The following CASZ1 variants were observed in gnomAD, a reference collection of about 807,000 sequenced individuals.
CASZ1 encodes the protein castor zinc finger 1.
A neutral mutation model predicts 135.2 loss-of-function variants in CASZ1; 28 were observed. The observed-to-expected ratio is 0.21, with a 90% CI of 0.15 to 0.28. The LOEUF (loss-of-function observed/expected upper bound fraction) is 0.28, where lower values mean the gene tolerates loss of function less well. CASZ1 is among the 10% of genes least tolerant of loss of function. CASZ1 has a pLI of 1.00. For missense variants in CASZ1, 2,161 were observed against 2,453.3 expected (o/e 0.88, Z 2.52); for synonymous variants, 1,068 against 1,073.4 (o/e 0.99, Z 0.10).
In CASZ1 at chr1:10,720,961, C is replaced by G. The variant is rs1639486392; in HGVS notation, c.-76-15417G>C. On this transcript the variant is annotated intron_variant, in intron 2 of 20. Coordinates refer to ENST00000377022, the MANE Select transcript of CASZ1 (RefSeq NM_001079843.3). The surrounding 1 kb of genome is among the most constrained non-coding windows in gnomAD (Gnocchi z 5.7). ...ACCCACCGTCCCAGGGAAGTTCACCCTGCTCAGGGCCACAACCGGCTCTGG... is the reference window on the plus strand; with the variant it reads ...ACCCACCGTCCCAGGGAAGTTCACCGTGCTCAGGGCCACAACCGGCTCTGG... Among the ~76,000 whole-genome samples the G allele has an allele frequency of 1.3e-5, 2 of 152,222 alleles. No individual in the cohort carries two copies. The highest frequency in any genetic ancestry group is 2.9e-5 in the Non-Finnish European group (2 of 68,032).
rs1325856526 is a variant in CASZ1, at chr1:10,650,969, T to C, written c.2788A>G (p.Ser930Gly). ...PGPHEASQDR[S>G]LDLTVKEPSN... ...GGCTCCTTCACAGTCAGGTCTAGAC[T>C]GCGGTCCTGGGAGGCTTCGTGGGGG... The change falls in exon 12 of 21, where the codon AGT becomes GGT. Residue 930 changes from serine (S) to glycine (G), a missense_variant. By Grantham distance (56) the Ser-to-Gly change is moderately conservative (BLOSUM62 0). Transcript: ENST00000377022. The C allele has an allele frequency of 6.3e-7, 1 of 1,590,778 alleles. No homozygotes were observed. Among genetic ancestry groups the C allele is most frequent in the Non-Finnish European group, 8.5e-7 (1 of 1,174,176 alleles).
intron 4 of CASZ1, among the ~76,000 whole-genome samples, chr1:10,686,344 C>T (rs1638586557): frequency 6.6e-6 from 1 of 152,254 alleles, no homozygotes; most frequent in Non-Finnish European, 1.5e-5. Context: ...CATCCCCCGC[C>T]CCTACCAAGG....
At chr1:10,786,000 G>T (rs1001476406) in intron 1 of CASZ1, among the ~76,000 whole-genome samples, 1 of 152,188 alleles carries the variant, frequency 6.6e-6, no homozygotes, top group East Asian at 1.9e-4. Flanking sequence ...AACACAATTC[G>T]CCTTCAGCTC....
chr1:10,710,758 G>C (rs1306331529), intron 2 of CASZ1, among the ~76,000 whole-genome samples: 1 of 152,248 alleles, frequency 6.6e-6, no homozygotes, highest in African/African-American at 2.4e-5. Context: ...TCTTGTCCCT[G>C]CTCCACAGCG....
chr1:10,785,907 T>C (rs375283756), intron 1 of CASZ1, among the ~76,000 whole-genome samples: 1 of 152,218 alleles, frequency 6.6e-6, no homozygotes, highest in Non-Finnish European at 1.5e-5. Context: ...CTAATTCTCA[T>C]GGTCCACGTG....
intron 1 of CASZ1, among the ~76,000 whole-genome samples, chr1:10,791,081 C>CAAA (rs61062042): frequency 1.7e-5 from 2 of 121,190 alleles, no homozygotes; most frequent in Non-Finnish European, 1.9e-5. Context: ...CTCTTCCCAT[C>CAAA]AAAAAAAAAA....
At chr1:10,690,634 C>A (rs1638735033) in intron 4 of CASZ1, among the ~76,000 whole-genome samples, 2 of 152,158 alleles carry the variant, frequency 1.3e-5, no homozygotes, top group Admixed American at 1.3e-4. Context: ...GACGACAAGG[C>A]TGCAGCCACA....
rs1334447042 is a variant in CASZ1, at chr1:10,757,936, C to T, written c.-77+2765G>A. Among the ~76,000 whole-genome samples the T allele has an allele frequency of 6.6e-6, 1 of 152,218 alleles. No individual in the cohort carries two copies. Among genetic ancestry groups the T allele is most frequent in the Non-Finnish European group, 1.5e-5 (1 of 68,044 alleles). On this transcript the variant is annotated intron_variant, in intron 2 of 20. Transcript: ENST00000377022. This position sits in a 1 kb window ranked among gnomAD's most constrained non-coding sequence, Gnocchi z 4.6. The stretch of plus-strand genomic sequence containing the variant: ...CTCCTGACACCCACCTCATCCACGT[C>T]CCCATCCACGTCCTGGCCACTCTGC...
chr1:10,792,149 G>A (rs1640966728), intron 1 of CASZ1, among the ~76,000 whole-genome samples: 1 of 142,278 alleles, frequency 7.0e-6, no homozygotes, highest in Non-Finnish European at 1.5e-5. Context: ...GAACCAGGGT[G>A]GCAGAAAGAA....
intron 4 of CASZ1, among the ~76,000 whole-genome samples, chr1:10,670,275 T>C (rs1643360377): frequency 1.3e-5 from 2 of 152,204 alleles, no homozygotes; most frequent in Admixed American, 1.3e-4. Context: ...GGCTGTCCTG[T>C]CCATTCCCAC....
At chr1:10,716,608 C>T (rs1038179973) in intron 2 of CASZ1, among the ~76,000 whole-genome samples, 2 of 152,138 alleles carry the variant, frequency 1.3e-5, no homozygotes, top group Admixed American at 1.3e-4. Context: ...TGCCCCGGTG[C>T]AGAGAGTAAG....
At chr1:10,664,367 G>A (rs1412092836) in intron 5 of CASZ1, among the ~76,000 whole-genome samples, 2 of 145,718 alleles carry the variant, frequency 1.4e-5, no homozygotes, top group African/African-American at 4.9e-5. Context: ...CAGAAGGCGC[G>A]CAGGGCTGCT....
chr1:10,653,731 G>A lies in CASZ1; in HGVS notation c.2326C>T (p.Leu776=). ...KPPNSKISGL[L]PQGLPGSIPL... ...ATTGAGCCAGGCAGGCCCTGGGGCA[G>A]CAGCCCCGAGATCTTGCTGTTGGGA... Residue 776 remains leucine, a synonymous_variant, in exon 11 of 21, where the codon CTG becomes TTG. Transcript: ENST00000377022. 1 of 1,606,412 alleles carries A rather than the reference G, an allele frequency of 6.2e-7. No homozygotes were observed.
intron 2 of CASZ1, among the ~76,000 whole-genome samples, chr1:10,723,812 C>T (rs914632957): frequency 1.3e-5 from 2 of 152,180 alleles, no homozygotes; most frequent in African/African-American, 4.8e-5. Flanking sequence ...CCCTCTAACT[C>T]CCCCTGCAAC....
In CASZ1 at chr1:10,719,618, C is replaced by G. The variant is rs575758103; in HGVS notation, c.-76-14074G>C. 5.9e-5 allele frequency among the ~76,000 whole-genome samples: 9 copies of G among 152,324 alleles called. No individual in the cohort carries two copies. The South Asian group carries it at 1.9e-3, about 32-fold the overall frequency. On this transcript the variant is annotated intron_variant, in intron 2 of 20. Coordinates refer to ENST00000377022, the MANE Select transcript of CASZ1 (RefSeq NM_001079843.3). The surrounding 1 kb of genome is among the most constrained non-coding windows in gnomAD (Gnocchi z 4.0). Reference sequence around the variant, plus strand: ...CTGTAGGGCATGGGGAACGGGGGCTCAGGTGAGCAGATGCATGACTCAATT... The same window carrying G: ...CTGTAGGGCATGGGGAACGGGGGCTGAGGTGAGCAGATGCATGACTCAATT...
chr1:10,643,046 G>A, intron 19 of CASZ1, 46 bp from the exon 20 acceptor site: 2 of 1,596,070 alleles, frequency 1.3e-6, no homozygotes, highest in Non-Finnish European at 8.6e-7. Context: ...TGTGGGGTAT[G>A]CTGCCCACAG....
intron 1 of CASZ1, among the ~76,000 whole-genome samples, chr1:10,771,524 A>C (rs1640576035): frequency 1.0e-5 from 1 of 98,928 alleles, no homozygotes; most frequent in Non-Finnish European, 2.9e-5. Context: ...TTAAAGTGTA[A>C]GGGAAAAAAA....
chr1:10,640,154 G>A (rs1246799642), intron 20 of CASZ1, 95 bp from the exon 21 acceptor site: 6 of 1,502,168 alleles, frequency 4.0e-6, no homozygotes, highest in African/African-American at 1.4e-5. Context: ...CTGGCATGGC[G>A]CCAGAGGGCG....
chr1:10,683,707 A>C (rs993892636), intron 4 of CASZ1, among the ~76,000 whole-genome samples: 1 of 152,130 alleles, frequency 6.6e-6, no homozygotes, highest in African/African-American at 2.4e-5. Context: ...ACCCACCTGC[A>C]ACCCTCCCCT....
Sources: gnomAD v4.1 joint callset for allele counts (sites outside exome capture counted in the v4.1 genomes callset) on GRCh38, gnomAD v4.1.1 for gene constraint, Gnocchi (gnomAD v3.1) non-coding constraint, MANE v1.5 for transcripts, NCBI Gene and HGNC (gene_info 2026-07-23, HGNC 2026-07-21) for gene names.